Variants in PEX14 observed in about 807,000 individuals in gnomAD.
PEX14 encodes peroxisomal membrane protein PEX14.
A neutral mutation model predicts 49.5 loss-of-function variants in PEX14; 15 were observed. That is an observed-to-expected ratio of 0.30 (90% CI 0.20 to 0.47). The LOEUF is 0.47. Ranked by LOEUF, PEX14 falls within the 20% of genes least tolerant of loss-of-function variation. The pLI is 1.00. For synonymous variants in PEX14, 210 were observed against 212.7 expected (o/e 0.99, Z 0.11); for missense variants, 398 against 494.8 (o/e 0.80, Z 1.86).
intron 2 of PEX14, among the ~76,000 whole-genome samples, chr1:10,496,147 C>T (rs1228217201): frequency 6.6e-6 from 1 of 152,150 alleles, no homozygotes; most frequent in Non-Finnish European, 1.5e-5. Flanking sequence ...AGGGACTTAG[C>T]GGGTATGAAC....
At chr1:10,587,522 A>G (rs923982307) in intron 3 of PEX14, among the ~76,000 whole-genome samples, 1 of 152,162 alleles carries the variant, frequency 6.6e-6, no homozygotes. Flanking sequence ...TAATAGCATC[A>G]TGTAGGCAAG....
intron 1 of PEX14, among the ~76,000 whole-genome samples, chr1:10,478,014 A>T (rs1415108807): frequency 6.6e-6 from 1 of 151,760 alleles, no homozygotes; most frequent in Non-Finnish European, 1.5e-5. Context: ...TCAGCCTCCC[A>T]AGTAGCTGGG....
At chr1:10,625,000 CTTGG>C (rs1641704320) in intron 7 of PEX14, among the ~76,000 whole-genome samples, 2 of 152,186 alleles carry the variant, frequency 1.3e-5, no homozygotes, top group Non-Finnish European at 2.9e-5. Context: ...GTGAAGAAAT[CTTGG>C]CGTGGCAGCT....
At position 10,597,425 on chromosome 1, in the gene PEX14, A is replaced by C. The variant is rs1313148355; in HGVS notation, c.170-1813A>C. ...CAGTCACTACACAGGCTGGAACCTG[A>C]GAGGCACAAACTCAGGGCGGGGGTA... On this transcript the variant is annotated intron_variant, in intron 3 of 8. Coordinates refer to ENST00000356607, the MANE Select transcript of PEX14 (RefSeq NM_004565.3). The surrounding 1 kb of genome is among the most constrained non-coding windows in gnomAD (Gnocchi z 5.7). Among the ~76,000 whole-genome samples, 1 of 152,196 alleles carries C rather than the reference A, an allele frequency of 6.6e-6. No homozygotes were observed. Among genetic ancestry groups the C allele is most frequent in the Non-Finnish European group, 1.5e-5 (1 of 68,034 alleles).
At chr1:10,627,016 G>A (rs917892890) in intron 7 of PEX14, among the ~76,000 whole-genome samples, 15 of 152,274 alleles carry the variant, frequency 9.9e-5, no homozygotes, top group Admixed American at 8.5e-4. Context: ...AGACGCCCAC[G>A]ATACCATTAT....
chr1:10,498,809 T>C (rs1641616285), intron 2 of PEX14, among the ~76,000 whole-genome samples: 1 of 152,236 alleles, frequency 6.6e-6, no homozygotes, highest in South Asian at 2.1e-4. Flanking sequence ...TGGTTACTTT[T>C]TTCTCTTTAT....
intron 2 of PEX14, among the ~76,000 whole-genome samples, chr1:10,516,772 T>C (rs1641976999): frequency 6.6e-6 from 1 of 152,218 alleles, no homozygotes; most frequent in Non-Finnish European, 1.5e-5. Flanking sequence ...ACCAGTACTT[T>C]AAAAACTGGT....
chr1:10,482,595 G>A (rs549938784), intron 1 of PEX14, among the ~76,000 whole-genome samples: 5 of 152,038 alleles, frequency 3.3e-5, no homozygotes, highest in Admixed American at 6.5e-5. Context: ...CACCATGCCC[G>A]GCTAATTTTT....
chr1:10,605,695 CCT>C (rs1187016650), intron 4 of PEX14, among the ~76,000 whole-genome samples: 1 of 152,202 alleles, frequency 6.6e-6, no homozygotes, highest in Admixed American at 6.5e-5. Flanking sequence ...GTCGCCTCCA[CCT>C]CTCTCTCTGT....
At chr1:10,508,208 GT>G (rs1216058138) in intron 2 of PEX14, among the ~76,000 whole-genome samples, 1 of 151,490 alleles carries the variant, frequency 6.6e-6, no homozygotes, top group Non-Finnish European at 1.5e-5. Context: ...TTTGTTTTTT[GT>G]TTTTGTTTTT....
intron 3 of PEX14, among the ~76,000 whole-genome samples, chr1:10,553,969 C>A (rs1639407938): frequency 6.6e-6 from 1 of 152,030 alleles, no homozygotes; most frequent in African/African-American, 2.4e-5. Context: ...GGTACCTTTA[C>A]TCTTACAAAT....
chr1:10,484,028 CT>C (rs200948766), intron 1 of PEX14, among the ~76,000 whole-genome samples: 3,304 of 132,356 alleles, frequency 0.025, 128 homozygotes, highest in African/African-American at 0.087. Context: ...AATGAATTAC[CT>C]TTTTTTTTTT....
At chr1:10,498,462 CCT>C (rs1641609398) in intron 2 of PEX14, among the ~76,000 whole-genome samples, 1 of 152,158 alleles carries the variant, frequency 6.6e-6, no homozygotes, top group Admixed American at 6.6e-5. Context: ...TCAGTTCTGT[CCT>C]CTCTGAATCA....
intron 2 of PEX14, among the ~76,000 whole-genome samples, chr1:10,510,170 G>C (rs950782333): frequency 2.0e-5 from 3 of 152,118 alleles, no homozygotes; most frequent in Non-Finnish European, 4.4e-5. Flanking sequence ...TGCATCACAC[G>C]GCTCCCTGGT....
chr1:10,563,437 T>A (rs901584946), intron 3 of PEX14, among the ~76,000 whole-genome samples: 1 of 150,950 alleles, frequency 6.6e-6, no homozygotes, highest in African/African-American at 2.4e-5. Flanking sequence ...CCATCTCTAC[T>A]AAAAATACAA....
At chr1:10,479,487 G>A (rs963089708) in intron 1 of PEX14, among the ~76,000 whole-genome samples, 5 of 152,206 alleles carry the variant, frequency 3.3e-5, no homozygotes, top group African/African-American at 1.2e-4. Flanking sequence ...GTGTGTACAC[G>A]TTGGAGCCCG....
intron 1 of PEX14, among the ~76,000 whole-genome samples, chr1:10,475,740 G>A (rs1331001667): frequency 6.6e-6 from 1 of 152,180 alleles, no homozygotes; most frequent in Non-Finnish European, 1.5e-5. Context: ...TGGATGATAA[G>A]GTCTCCGAAG....
chr1:10,532,735 A>G (rs1179352095), intron 2 of PEX14, among the ~76,000 whole-genome samples: 2 of 152,214 alleles, frequency 1.3e-5, no homozygotes, highest in African/African-American at 4.8e-5. Context: ...GAATAGTCAC[A>G]TTCATCTTCT....
At chr1:10,594,832 T>C (rs1640791908) in intron 3 of PEX14, among the ~76,000 whole-genome samples, 1 of 151,456 alleles carries the variant, frequency 6.6e-6, no homozygotes, top group Non-Finnish European at 1.5e-5. Flanking sequence ...TCGCAGCCTG[T>C]ACCCTGCAGC....
Sources: gnomAD v4.1 joint callset for allele counts (sites outside exome capture counted in the v4.1 genomes callset) on GRCh38, gnomAD v4.1.1 for gene constraint, Gnocchi (gnomAD v3.1) non-coding constraint, MANE v1.5 for transcripts, NCBI Gene and HGNC (gene_info 2026-07-23, HGNC 2026-07-21) for gene names.